Variants in PXDN observed in about 807,000 individuals in gnomAD.
PXDN encodes peroxidasin homolog.
PXDN carries 77 observed loss-of-function variants against 140.3 expected under a neutral mutation model. The ratio of observed to expected loss-of-function variants is 0.55; its 90% CI spans 0.46 to 0.66. PXDN has a LOEUF of 0.66. PXDN is among the 30% of genes least tolerant of loss of function. The pLI, the probability that PXDN is intolerant of heterozygous loss-of-function variation, is 0.00. For synonymous variants in PXDN, 911 were observed against 857.4 expected (o/e 1.06, Z -1.09); for missense variants, 1,838 against 2,039.5 (o/e 0.90, Z 1.90).
chr2:1,679,282 CAT>C (rs1683809103), intron 7 of PXDN, among the ~76,000 whole-genome samples: 1 of 140,396 alleles, frequency 7.1e-6, no homozygotes, highest in African/African-American at 2.7e-5. Flanking sequence ...ATTGTATGTG[CAT>C]GTGTGTGTGG....
chr2:1,658,029 TCTCTC>T (rs1558494206), intron 14 of PXDN, among the ~76,000 whole-genome samples: 2 of 1,130 alleles, frequency 1.8e-3, no homozygotes, highest in Non-Finnish European at 2.6e-3. Context: ...AGCTGTGGGC[TCTCTC>T]TCTCTCTCTC....
At chr2:1,692,848 C>T (rs1684215398) in intron 2 of PXDN, among the ~76,000 whole-genome samples, 1 of 152,174 alleles carries the variant, frequency 6.6e-6, no homozygotes, top group Non-Finnish European at 1.5e-5. Flanking sequence ...AATCAACATG[C>T]CACAGACAGG....
intron 1 of PXDN, among the ~76,000 whole-genome samples, chr2:1,735,018 G>A (rs1048894463): frequency 1.3e-5 from 2 of 152,184 alleles, no homozygotes; most frequent in African/African-American, 2.4e-5. Flanking sequence ...TTCACCAGGA[G>A]TAGAATTCAT....
chr2:1,683,373 G>A (rs1019076246), intron 6 of PXDN, among the ~76,000 whole-genome samples: 1 of 106,040 alleles, frequency 9.4e-6, no homozygotes, highest in African/African-American at 3.1e-5. Flanking sequence ...CTGTGATCAT[G>A]CCACTGCACT....
chr2:1,637,453 G>T (rs1212197256), intron 21 of PXDN, among the ~76,000 whole-genome samples: 1 of 152,046 alleles, frequency 6.6e-6, no homozygotes, highest in African/African-American at 2.4e-5. Flanking sequence ...GGCTGCAGAA[G>T]GAGGAAGACC....
intron 1 of PXDN, among the ~76,000 whole-genome samples, chr2:1,733,704 T>C (rs1685362341): frequency 7.7e-6 from 1 of 129,276 alleles, no homozygotes; most frequent in Non-Finnish European, 1.5e-5. Flanking sequence ...ATGGTGCCAC[T>C]GTACTCCACC....
At chr2:1,676,200 G>A (rs1683705363) in intron 8 of PXDN, 1 of 95,066 alleles carries the variant, frequency 1.1e-5, no homozygotes, top group Non-Finnish European at 1.9e-5. Flanking sequence ...CTTCCCCCTA[G>A]ACTCCATCAC....
At chr2:1,719,905 AGAGG>A (rs59906010) in intron 1 of PXDN, among the ~76,000 whole-genome samples, 2,149 of 81,310 alleles carry the variant, frequency 0.026, 276 homozygotes, top group East Asian at 0.085. Flanking sequence ...ATTCAGAGAG[AGAGG>A]GAGGGAGGGA....
intron 1 of PXDN, among the ~76,000 whole-genome samples, chr2:1,709,005 A>G (rs1308557845): frequency 2.0e-5 from 3 of 152,190 alleles, no homozygotes; most frequent in African/African-American, 4.8e-5. Flanking sequence ...GACAGGCATG[A>G]TCTGCTGAGG....
At chr2:1,672,577 C>T (rs1018557254) in intron 9 of PXDN, among the ~76,000 whole-genome samples, 4 of 152,172 alleles carry the variant, frequency 2.6e-5, no homozygotes, top group African/African-American at 4.8e-5. Context: ...ACATGTGGAA[C>T]GTTGTTTGAT....
chr2:1,742,687 C>T (rs1412919214), intron 1 of PXDN, among the ~76,000 whole-genome samples: 1 of 152,188 alleles, frequency 6.6e-6, no homozygotes, highest in East Asian at 1.9e-4. Context: ...GGAAACCTCA[C>T]CCGGCTCCAT....
At chr2:1,670,273 T>C (rs1332651324) in intron 9 of PXDN, among the ~76,000 whole-genome samples, 1 of 152,254 alleles carries the variant, frequency 6.6e-6, no homozygotes, top group Non-Finnish European at 1.5e-5. Flanking sequence ...ATGGTGCATT[T>C]AGATCATGGA....
At chr2:1,709,440 G>A (rs1684701269) in intron 1 of PXDN, among the ~76,000 whole-genome samples, 1 of 152,242 alleles carries the variant, frequency 6.6e-6, no homozygotes, top group African/African-American at 2.4e-5. Flanking sequence ...GACCTCTAAC[G>A]GAAGCCACAG....
intron 14 of PXDN, among the ~76,000 whole-genome samples, chr2:1,657,199 AC>A (rs1683163172): frequency 6.7e-6 from 1 of 148,196 alleles, no homozygotes; most frequent in African/African-American, 2.5e-5. Context: ...TCCTCCTGGG[AC>A]CTGCCCCCTC....
At chr2:1,690,237 T>C (rs536823412) in intron 3 of PXDN, among the ~76,000 whole-genome samples, 6 of 152,310 alleles carry the variant, frequency 3.9e-5, no homozygotes, top group Admixed American at 6.5e-5. Flanking sequence ...TTCTGAGTCA[T>C]GACCCACGGC....
chr2:1,650,113 G>A (rs7594023), intron 16 of PXDN, among the ~76,000 whole-genome samples: 133,854 of 152,218 alleles, frequency 0.88, 59,068 homozygotes, highest in East Asian at 1. Context: ...ACAGGCTGCC[G>A]AGCAGGGCAT....
intron 13 of PXDN, among the ~76,000 whole-genome samples, chr2:1,661,476 AG>A (rs1313111460): frequency 6.6e-6 from 1 of 152,228 alleles, no homozygotes; most frequent in African/African-American, 2.4e-5. Context: ...GAACAAGAGC[AG>A]ATGCCTGGGG....
intron 1 of PXDN, among the ~76,000 whole-genome samples, chr2:1,740,096 C>T (rs1459704447): frequency 6.6e-6 from 1 of 152,184 alleles, no homozygotes; most frequent in African/African-American, 2.4e-5. Context: ...GTCCCGGGAC[C>T]GCGGGTACTC....
At chr2:1,659,918 G>A (rs758532033) in intron 14 of PXDN, among the ~76,000 whole-genome samples, 6 of 152,166 alleles carry the variant, frequency 3.9e-5, no homozygotes, top group Non-Finnish European at 7.3e-5. Flanking sequence ...TGGAGAAGGC[G>A]GATCAGTCAC....
Sources: gnomAD v4.1 joint callset for allele counts (sites outside exome capture counted in the v4.1 genomes callset) on GRCh38, gnomAD v4.1.1 for gene constraint, MANE v1.5 for transcripts, NCBI Gene and HGNC (gene_info 2026-07-23, HGNC 2026-07-21) for gene names.